The following PDGFD variants were observed in gnomAD, a reference collection of about 807,000 sequenced individuals.
PDGFD encodes the protein platelet derived growth factor D, also known as platelet-derived growth factor D.
A neutral mutation model predicts 44.7 loss-of-function variants in PDGFD; 30 were observed. That is an observed-to-expected ratio of 0.67 (90% CI 0.50 to 0.91). PDGFD has a LOEUF of 0.91. PDGFD is among the 40% of genes least tolerant of loss of function. The pLI, the probability that PDGFD is intolerant of heterozygous loss-of-function variation, is 0.00. For synonymous variants in PDGFD, 173 were observed against 168.4 expected (o/e 1.03, Z -0.21); for missense variants, 445 against 457.8 (o/e 0.97, Z 0.25).
At chr11:104,109,767 T>C (rs1861525181) in intron 1 of PDGFD, among the ~76,000 whole-genome samples, 1 of 152,010 alleles carries the variant, frequency 6.6e-6, no homozygotes, top group South Asian at 2.1e-4. Context: ...AGATACATCA[T>C]TAAGTTAAAA....
chr11:104,086,211 G>A (rs1861127627), intron 1 of PDGFD, among the ~76,000 whole-genome samples: 1 of 152,116 alleles, frequency 6.6e-6, no homozygotes, highest in Admixed American at 6.6e-5. Flanking sequence ...GAGTCTATAA[G>A]TCTTGCTGAT....
chr11:104,131,777 A>C (rs1022334385), intron 1 of PDGFD, among the ~76,000 whole-genome samples: 1 of 142,680 alleles, frequency 7.0e-6, no homozygotes, highest in African/African-American at 2.6e-5. Flanking sequence ...TTTTCCTTTA[A>C]GTATCCTAAA....
At chr11:104,145,557 A>G (rs1026262425) in intron 1 of PDGFD, among the ~76,000 whole-genome samples, 4 of 152,230 alleles carry the variant, frequency 2.6e-5, no homozygotes, top group African/African-American at 7.2e-5. Flanking sequence ...TAATTTATCT[A>G]TAATTTCCAA....
At chr11:104,047,412 G>A (rs1860460692) in intron 1 of PDGFD, among the ~76,000 whole-genome samples, 1 of 147,060 alleles carries the variant, frequency 6.8e-6, no homozygotes, top group African/African-American at 2.5e-5. Context: ...GTGGTTTCCT[G>A]ACTTTTTAAT....
At chr11:103,926,373 C>A (rs983425390) in intron 6 of PDGFD, among the ~76,000 whole-genome samples, 1 of 152,080 alleles carries the variant, frequency 6.6e-6, no homozygotes, top group African/African-American at 2.4e-5. Flanking sequence ...TTTGCATAAT[C>A]CAAGAGCTGA....
chr11:103,915,818 C>T (rs1411327485), intron 6 of PDGFD, among the ~76,000 whole-genome samples: 2 of 152,092 alleles, frequency 1.3e-5, no homozygotes, highest in East Asian at 3.9e-4. Context: ...CTTTGACAAA[C>T]CTGACAAAAA....
intron 6 of PDGFD, among the ~76,000 whole-genome samples, chr11:103,922,729 CT>C (rs925063370): frequency 9.9e-5 from 15 of 151,830 alleles, no homozygotes; most frequent in East Asian, 1.9e-4. Flanking sequence ...AAAATAATTC[CT>C]TTTTTTTATT....
At chr11:104,058,577 T>C (rs1172938063) in intron 1 of PDGFD, among the ~76,000 whole-genome samples, 2 of 152,210 alleles carry the variant, frequency 1.3e-5, no homozygotes, top group Non-Finnish European at 2.9e-5. Flanking sequence ...TCAGCCACTT[T>C]GGAAAATAGT....
chr11:103,981,950 T>C (rs1859278697), intron 3 of PDGFD, among the ~76,000 whole-genome samples: 1 of 151,830 alleles, frequency 6.6e-6, no homozygotes, highest in Admixed American at 6.6e-5. Flanking sequence ...TTGGTGCAAC[T>C]ATATGCCTCT....
chr11:103,936,586 G>C (rs1017392896), intron 5 of PDGFD, among the ~76,000 whole-genome samples: 1 of 152,046 alleles, frequency 6.6e-6, no homozygotes, highest in African/African-American at 2.4e-5. Context: ...TTATTTACCT[G>C]TAAATAATTT....
chr11:104,111,022 C>T (rs1591168958), intron 1 of PDGFD, among the ~76,000 whole-genome samples: 1 of 151,992 alleles, frequency 6.6e-6, no homozygotes, highest in East Asian at 1.9e-4. Flanking sequence ...TAAAATTCTA[C>T]AGGAAGAAAA....
intron 1 of PDGFD, among the ~76,000 whole-genome samples, chr11:104,155,978 A>C (rs1862301494): frequency 6.6e-6 from 1 of 152,156 alleles, no homozygotes; most frequent in South Asian, 2.1e-4. Context: ...CAGGATCCTA[A>C]TATATACAAC....
Position 104,163,866 on chromosome 11 carries a change from G to A in PDGFD, c.62C>T (p.Thr21Ile). 1 of 1,580,594 alleles carries A rather than the reference G, an allele frequency of 6.3e-7. No individual in the cohort carries two copies. The highest frequency in any genetic ancestry group is 2.3e-5 in the East Asian group (1 of 44,078). Reference protein sequence around the residue: ...ICANFCSCRDTSATPQSASIK... With the variant: ...ICANFCSCRDISATPQSASIK... ...GGATGCGCTCTGCGGGGTTGCAGAA[G>A]TGTCCCGACAGCTGCAAAAGTTTGC... Residue 21 changes from threonine to isoleucine, a missense_variant, in exon 1 of 7, where the codon ACT becomes ATT. Thr to Ile is a moderately conservative substitution (Grantham distance 89, BLOSUM62 -1). Transcript: ENST00000393158.
At chr11:104,119,208 T>TTGG (rs1406170348) in intron 1 of PDGFD, among the ~76,000 whole-genome samples, 4 of 8,642 alleles carry the variant, frequency 4.6e-4, no homozygotes, top group Admixed American at 9.3e-3. Context: ...ATATAATATA[T>TTGG]TAATATAATA....
chr11:103,939,033 T>C (rs991405541), intron 5 of PDGFD, among the ~76,000 whole-genome samples: 10 of 152,218 alleles, frequency 6.6e-5, no homozygotes, highest in Non-Finnish European at 1.3e-4. Context: ...GACTTGGCGA[T>C]GTGGGCTCTT....
chr11:104,119,553 G>GATATAATATATAATATATTA (rs1861729199), intron 1 of PDGFD, among the ~76,000 whole-genome samples: 1 of 44,230 alleles, frequency 2.3e-5, no homozygotes, highest in Non-Finnish European at 3.8e-5. Flanking sequence ...ATAATATATT[G>GATATAATATATAATATATTA]ATATAATATA....
At chr11:103,975,162 G>A (rs1859164222) in intron 3 of PDGFD, among the ~76,000 whole-genome samples, 1 of 152,070 alleles carries the variant, frequency 6.6e-6, no homozygotes, top group Non-Finnish European at 1.5e-5. Flanking sequence ...CATGTTTCCT[G>A]ACTTTTTAGC....
chr11:104,129,968 C>A, intron 1 of PDGFD, among the ~76,000 whole-genome samples: 2 of 139,860 alleles, frequency 1.4e-5, no homozygotes, highest in African/African-American at 5.3e-5. Flanking sequence ...AAGATTGCAC[C>A]AATGCACTCC....
chr11:104,103,591 C>T (rs12281491), intron 1 of PDGFD, among the ~76,000 whole-genome samples: 8,374 of 150,524 alleles, frequency 0.056, 361 homozygotes, highest in African/African-American at 0.12. Context: ...TGCATAACAA[C>T]CATTTGGTCA....
Sources: gnomAD v4.1 joint callset for allele counts (sites outside exome capture counted in the v4.1 genomes callset) on GRCh38, gnomAD v4.1.1 for gene constraint, MANE v1.5 for transcripts, NCBI Gene and HGNC (gene_info 2026-07-23, HGNC 2026-07-21) for gene names.